Variants in MGAM observed in about 807,000 individuals in gnomAD.
The protein encoded by MGAM is maltase-glucoamylase.
MGAM carries 253 observed loss-of-function variants against 358.8 expected under a neutral mutation model. The observed-to-expected ratio is 0.71, with a 90% confidence interval of 0.64 to 0.78. The LOEUF is 0.78. Among genes scored for constraint, MGAM ranks in the 30% least tolerant of loss-of-function variants. The pLI is 0.00. For synonymous variants in MGAM, 1,105 were observed against 1,227.1 expected, an observed-to-expected ratio of 0.90 and a Z score of 2.08; for missense variants, 3,080 against 3,432.6, an observed-to-expected ratio of 0.90 and a Z score of 2.57.
intron 44 of MGAM, among the ~76,000 whole-genome samples, chr7:142,071,574 CCT>C (rs1813355274): frequency 6.8e-6 from 1 of 146,352 alleles, no homozygotes; most frequent in African/African-American, 2.4e-5. Context: ...CCAGAACTCT[CCT>C]CTCTTGAGAT....
chr7:142,094,570 C>G, intron 61 of MGAM, 50 bp from the exon 62 acceptor site: 1 of 1,555,718 alleles, frequency 6.4e-7, no homozygotes, highest in Non-Finnish European at 8.8e-7. Flanking sequence ...GGTGAGGAGG[C>G]AGGTCGTGAG....
chr7:142,031,023 C>T (rs1339756513), intron 12 of MGAM, among the ~76,000 whole-genome samples: 1 of 152,140 alleles, frequency 6.6e-6, no homozygotes, highest in Non-Finnish European at 1.5e-5. Context: ...CTCCCACACA[C>T]TCTGCAGCTG....
chr7:142,103,442 T>C lies in MGAM; in HGVS notation c.8184+3T>C, dbSNP rs777615171. ...TCAACAATGACCCCACGACACAGGT[T>C]TGTGACCAGCAAAAAGTGCGAATGG... On this transcript the variant is annotated splice_donor_region_variant and intron_variant, in intron 70 of 70. Transcript: ENST00000475668. 1.3e-6 allele frequency: 2 copies of C among 1,592,202 alleles called. No individual in the cohort carries two copies. The highest frequency in any genetic ancestry group is 1.4e-5 in the African/African-American group (1 of 73,904).
chr7:142,082,466 A>G lies in MGAM; in HGVS notation c.6172-9A>G. The G allele has an allele frequency of 3.3e-6, 5 of 1,501,194 alleles. No homozygotes were observed. Among genetic ancestry groups the G allele is most frequent in the Admixed American group, 1.8e-5 (1 of 54,640 alleles). The allele number at this position is 1,501,194 out of a possible 1,614,324, so 93.0% of individuals were successfully genotyped here. A position where few individuals can be genotyped will look rare whatever the true frequency, so the allele number is the denominator to read the frequency against. ...TAAACTCCTACTGCTTCTCCCCATG[A>G]CTCTCCAGTACAAGAAGAATTCCTA... On this transcript the variant is annotated splice_polypyrimidine_tract_variant and intron_variant, in intron 51 of 70. Transcript: ENST00000475668.
At position 142,044,358 on chromosome 7, in the gene MGAM, C is replaced by T. The variant is rs555896532; in HGVS notation, c.2499-3427C>T. ...ATAATATATATATAATATACACATA[C>T]GATATATGATATATAATGAATATTA... On this transcript the variant is annotated intron_variant, in intron 21 of 70. Transcript: ENST00000475668. 6.5e-4 allele frequency among the ~76,000 whole-genome samples: 83 copies of T among 128,342 alleles called. 10 individuals are homozygous for T. The highest frequency in any genetic ancestry group is 9.4e-4 in the African/African-American group (34 of 36,032). 84.2% of individuals were successfully genotyped at this position (128,342 alleles called of 152,430 possible).
Position 142,047,843 on chromosome 7 carries a change from G to A in MGAM, c.2557G>A (p.Glu853Lys). The A allele has an allele frequency of 6.2e-7, 1 of 1,612,214 alleles. No homozygotes were observed. The highest frequency in any genetic ancestry group is 8.5e-7 in the Non-Finnish European group (1 of 1,178,440). ...AGATGAGAACAAAGAAGCAAAAGGA[G>A]AACTTTTCTGGGATAATGGGGAAAC... ...ALDENKEAKGELFWDNGETKD... is the reference protein window; with the variant it reads ...ALDENKEAKGKLFWDNGETKD... Residue 853 changes from glutamate to lysine, a missense_variant, in exon 22 of 71, where the codon GAA becomes AAA. Transcript: ENST00000475668.
Position 142,030,694 on chromosome 7 carries a change from CA to C in MGAM, c.1408del (p.Arg470GlyfsTer5). The part of the protein sequence containing the change: ...SSSKPYGPYD[R>X]GSDMKIWVNS... ...CAAGTAAACCCTATGGCCCATATGACAGGGGTTCAGATATGAAGATATGGGT... is the reference window on the plus strand; with the variant it reads ...CAAGTAAACCCTATGGCCCATATGACGGGGTTCAGATATGAAGATATGGGT... On this transcript the variant is annotated frameshift_variant, in exon 12 of 71. Coordinates refer to ENST00000475668, the MANE Select transcript of MGAM (RefSeq NM_001365693.1). LOFTEE classifies it high-confidence loss of function. 2 of 1,613,254 alleles carry C rather than the reference CA, an allele frequency of 1.2e-6. No individual in the cohort carries two copies. Among genetic ancestry groups the C allele is most frequent in the Non-Finnish European group, 1.7e-6 (2 of 1,179,434 alleles).
At chr7:142,061,292 C>A (rs28581545) in intron 34 of MGAM, among the ~76,000 whole-genome samples, 22 of 152,100 alleles carry the variant, frequency 1.4e-4, no homozygotes, top group Non-Finnish European at 3.1e-4. Context: ...TATTCTAATT[C>A]TCCATCCCCC....
intron 2 of MGAM, among the ~76,000 whole-genome samples, chr7:141,990,276 C>A (rs1803887824): frequency 6.6e-6 from 1 of 151,822 alleles, no homozygotes; most frequent in Admixed American, 6.6e-5. Flanking sequence ...GATTCACATG[C>A]ATTATTTCAT....
intron 22 of MGAM, among the ~76,000 whole-genome samples, chr7:142,048,369 C>A (rs1170269160): frequency 6.6e-6 from 1 of 151,578 alleles, no homozygotes; most frequent in Admixed American, 6.6e-5. Flanking sequence ...AGGATGATCT[C>A]GATCTCCTAA....
Position 142,065,850 on chromosome 7 carries a change from C to T in MGAM, c.4770+19C>T, listed in dbSNP as rs180864778. 1.1e-4 allele frequency: 162 copies of T among 1,485,472 alleles called. 3 individuals carry two copies. In the African/African-American group the frequency reaches 2.0e-3, roughly 18 times the overall value. 92.0% of individuals were successfully genotyped at this position (1,485,472 alleles called of 1,614,324 possible). A position where few individuals can be genotyped will look rare whatever the true frequency, so the allele number is the denominator to read the frequency against. On this transcript the variant is annotated intron_variant, in intron 40 of 70. Coordinates refer to ENST00000475668, the MANE Select transcript of MGAM (RefSeq NM_001365693.1). Reference sequence around the variant, plus strand: ...GACCAGGGTAGGACAGTGGCTTCTACCTCCACTGTTTTATGTCACTTGAAA... The same window carrying T: ...GACCAGGGTAGGACAGTGGCTTCTATCTCCACTGTTTTATGTCACTTGAAA...
intron 1 of MGAM, among the ~76,000 whole-genome samples, chr7:141,997,530 A>G (rs1168296102): frequency 6.6e-6 from 1 of 152,232 alleles, no homozygotes; most frequent in Non-Finnish European, 1.5e-5. Flanking sequence ...CATGGAATGG[A>G]ACTAGAAAAG....
At chr7:142,063,724 AG>A in intron 36 of MGAM, 138 bp downstream of exon 36, 6 of 1,029,820 alleles carry the variant, frequency 5.8e-6, no homozygotes, top group Non-Finnish European at 8.5e-6. Context: ...CAGAGACAAA[AG>A]CTCTGCACGT....
At chr7:142,021,490 T>C (rs2128995817) in intron 5 of MGAM, 96 bp from the exon 6 acceptor site, 1 of 1,252,066 alleles carries the variant, frequency 8.0e-7, no homozygotes, top group East Asian at 2.5e-5. Flanking sequence ...TGAGGTCAGT[T>C]TGATCAGTGC....
intron 34 of MGAM, among the ~76,000 whole-genome samples, chr7:142,061,327 G>T (rs537190774): frequency 1.6e-3 from 249 of 152,076 alleles, no homozygotes; most frequent in Non-Finnish European, 3.0e-3. Context: ...TTCTAACCCT[G>T]CCTGATCTGG....
rs536959991 is a variant in MGAM, at chr7:142,073,794, C to T, written c.5187-291C>T. Among the ~76,000 whole-genome samples the T allele has an allele frequency of 2.5e-3, 367 of 146,060 alleles. 23 individuals carry two copies. Among genetic ancestry groups the T allele is most frequent in the African/African-American group, 8.0e-3 (328 of 41,190 alleles). On this transcript the variant is annotated intron_variant, in intron 44 of 70. Transcript: ENST00000475668. ...CTTTCTCTTCTCATACTCTGTATTC[C>T]GAACAGTGGTTGCAGAAGCAGCTTT... is the stretch of plus-strand genomic sequence containing the variant.
Position 142,028,129 on chromosome 7 carries a change from T to C in MGAM, c.1221+394T>C, listed in dbSNP as rs1554461678. The stretch of plus-strand genomic sequence containing the variant: ...TGTAGCATTTTAATGCTTCTCAGTA[T>C]GGATTTTCTTGCCTTACACATGTTC... On this transcript the variant is annotated intron_variant, in intron 10 of 70. Coordinates refer to ENST00000475668, the MANE Select transcript of MGAM (RefSeq NM_001365693.1). 2.0e-5 allele frequency among the ~76,000 whole-genome samples: 3 copies of C among 152,240 alleles called. No individual in the cohort carries two copies. In the East Asian group the frequency reaches 5.8e-4, roughly 29 times the overall value.
chr7:142,034,566 G>A, intron 15 of MGAM, 104 bp from the exon 16 acceptor site: 2 of 1,110,398 alleles, frequency 1.8e-6, no homozygotes, highest in Non-Finnish European at 2.6e-6. Flanking sequence ...AGTTGGAAGA[G>A]AATGGGTTAT....
chr7:142,096,248 G>T, intron 64 of MGAM, 83 bp from the exon 65 acceptor site: 3 of 1,296,586 alleles, frequency 2.3e-6, no homozygotes, highest in East Asian at 2.4e-5. Flanking sequence ...TTTCCGACTT[G>T]GATCTGAACT....
Sources: gnomAD v4.1 joint callset for allele counts (sites outside exome capture counted in the v4.1 genomes callset) on GRCh38, gnomAD v4.1.1 for gene constraint, MANE v1.5 for transcripts, NCBI Gene and HGNC (gene_info 2026-07-23, HGNC 2026-07-21) for gene names.